The following ZNF346 variants were observed in gnomAD, a reference collection of about 807,000 sequenced individuals.
ZNF346 encodes zinc finger protein 346.
A neutral mutation model predicts 33.7 loss-of-function variants in ZNF346; 23 were observed. The observed-to-expected ratio is 0.68, with a 90% CI of 0.49 to 0.97. The LOEUF is 0.97. ZNF346 is among the 50% of genes least tolerant of loss of function. The pLI is 0.00. For synonymous variants in ZNF346, 134 were observed against 142.4 expected (o/e 0.94, Z 0.42); for missense variants, 340 against 371.1 (o/e 0.92, Z 0.69).
At chr5:177,080,160 T>A (rs548157610) in exon 9 of ZNF346, 10 of 152,316 alleles carry the variant, frequency 6.6e-5, no homozygotes, top group African/African-American at 2.4e-4. Flanking sequence ...AACCTGTAAC[T>A]CACAGCCCTG....
Position 177,057,184 on chromosome 5 carries a change from C to T in ZNF346, c.704-4874C>T, listed in dbSNP as rs113001279. On this transcript the variant is annotated intron_variant, in intron 5 of 6. Transcript: ENST00000358149. The stretch of plus-strand genomic sequence containing the variant: ...AAAATTAGCCGGGTGTGGTGGTGGG[C>T]GCCTGTAATCCCAGCAGGAGAATCA... Among the ~76,000 whole-genome samples the T allele has an allele frequency of 4.2e-3, 634 of 151,880 alleles. 8 individuals are homozygous for T. The highest frequency in any genetic ancestry group is 0.014 in the African/African-American group (587 of 41,436).
intron 5 of ZNF346, among the ~76,000 whole-genome samples, chr5:177,055,049 T>G (rs1781484310): frequency 6.6e-6 from 1 of 151,526 alleles, no homozygotes; most frequent in Non-Finnish European, 1.5e-5. Flanking sequence ...TTTTTTTTTT[T>G]TTGAGACAGA....
intron 1 of ZNF346, among the ~76,000 whole-genome samples, chr5:177,026,625 G>A (rs1776823376): frequency 1.3e-5 from 2 of 152,080 alleles, no homozygotes; most frequent in South Asian, 4.1e-4. Flanking sequence ...GCCTCCCGAA[G>A]TGTTGGGATT....
At chr5:177,057,721 G>A (rs1467327079) in intron 5 of ZNF346, among the ~76,000 whole-genome samples, 1 of 149,720 alleles carries the variant, frequency 6.7e-6, no homozygotes, top group Non-Finnish European at 1.5e-5. Context: ...CTGGGCGACG[G>A]GGTGAGACCC....
intron 8 of ZNF346, among the ~76,000 whole-genome samples, chr5:177,076,755 G>T (rs929568005): frequency 6.6e-6 from 1 of 152,076 alleles, no homozygotes; most frequent in East Asian, 1.9e-4. Context: ...AATAAGTATC[G>T]TTGAGCCGGG....
intron 3 of ZNF346, among the ~76,000 whole-genome samples, chr5:177,043,529 G>A (rs560405604): frequency 1.3e-5 from 2 of 152,230 alleles, no homozygotes; most frequent in South Asian, 4.1e-4. Context: ...AATTTAGGTG[G>A]CTGAGGCAGG....
intron 3 of ZNF346, 186 bp downstream of exon 3, chr5:177,042,056 C>T: frequency 4.1e-6 from 2 of 491,180 alleles, no homozygotes; most frequent in Non-Finnish European, 7.4e-6. Context: ...TATCAACTAC[C>T]TTTCAGGATT....
Position 177,066,679 on chromosome 5 carries a change from G to A in ZNF346, c.*2080G>A, listed in dbSNP as rs148987780. 4.5e-4 allele frequency among the ~76,000 whole-genome samples: 68 copies of A among 151,956 alleles called. No homozygotes were observed. Among genetic ancestry groups the A allele is most frequent in the African/African-American group, 1.6e-3 (66 of 41,432 alleles). On this transcript the variant is annotated 3_prime_UTR_variant, in exon 7 of 7. Coordinates refer to ENST00000358149, the MANE Select transcript of ZNF346 (RefSeq NM_012279.4). ...GCCCAGGAGTTCCAGCCTGAAGTATGCTGTGATCATGCCTGTGAATAACCA... is the reference window on the plus strand; with the variant it reads ...GCCCAGGAGTTCCAGCCTGAAGTATACTGTGATCATGCCTGTGAATAACCA...
chr5:177,038,895 TG>T (rs1778963920), intron 1 of ZNF346, among the ~76,000 whole-genome samples: 2 of 151,290 alleles, frequency 1.3e-5, no homozygotes, highest in African/African-American at 2.4e-5. Flanking sequence ...TGTGTGTGTG[TG>T]TGTGTGTGTG....
At chr5:177,049,319 G>A (rs537042503) in intron 4 of ZNF346, among the ~76,000 whole-genome samples, 2 of 152,328 alleles carry the variant, frequency 1.3e-5, no homozygotes, top group African/African-American at 4.8e-5. Flanking sequence ...GTATGGAAGA[G>A]CATCTGAGAC....
intron 1 of ZNF346, 67 bp downstream of exon 1, chr5:177,022,980 G>A: frequency 2.1e-6 from 3 of 1,439,752 alleles, no homozygotes; most frequent in Non-Finnish European, 1.8e-6. Flanking sequence ...AACTGCGGAA[G>A]CGCCGACGGT....
At chr5:177,035,622 C>T (rs552379616) in intron 1 of ZNF346, among the ~76,000 whole-genome samples, 34 of 148,734 alleles carry the variant, frequency 2.3e-4, no homozygotes, top group South Asian at 1.5e-3. Flanking sequence ...CCATCACACC[C>T]GGCTAATTGA....
intron 1 of ZNF346, among the ~76,000 whole-genome samples, chr5:177,040,779 T>TC (rs1173018231): frequency 2.0e-5 from 3 of 152,242 alleles, no homozygotes; most frequent in Non-Finnish European, 2.9e-5. Flanking sequence ...TTAAAACCTC[T>TC]CAGCACAGTT....
At chr5:177,060,715 G>A (rs1782395745) in intron 5 of ZNF346, among the ~76,000 whole-genome samples, 1 of 152,154 alleles carries the variant, frequency 6.6e-6, no homozygotes, top group African/African-American at 2.4e-5. Flanking sequence ...GGCTGAGGCA[G>A]GAGAATCGCT....
downstream of ZNF346, among the ~76,000 whole-genome samples, chr5:177,071,602 A>G (rs951695017): frequency 6.7e-6 from 1 of 150,052 alleles, no homozygotes; most frequent in African/African-American, 2.4e-5. Context: ...GGAGAATGGC[A>G]TGAACCCGGG....
Position 177,062,119 on chromosome 5 carries a change from A to G in ZNF346, c.765A>G (p.Gln255=), listed in dbSNP as rs1256205517. 2 of 1,614,162 alleles carry G rather than the reference A, an allele frequency of 1.2e-6. No individual in the cohort carries two copies. Residue 255 remains glutamine, a synonymous_variant, in exon 6 of 7, where the codon CAA becomes CAG. Coordinates refer to ENST00000358149, the MANE Select transcript of ZNF346 (RefSeq NM_012279.4). ...TGCTGAACTCCATAGAACAGTACCA[A>G]GCTCATGTCAGCGGCTTCAAACACA... The part of the protein sequence containing the change: ...KIVLNSIEQY[Q]AHVSGFKHKN...
chr5:177,038,875 CTTGT>C (rs1260811246), intron 1 of ZNF346, among the ~76,000 whole-genome samples: 11 of 89,166 alleles, frequency 1.2e-4, no homozygotes, highest in South Asian at 4.3e-4. Flanking sequence ...TCTTCTTCTT[CTTGT>C]GTGTGTGTGT....
chr5:177,079,717 C>T (rs1783906065), exon 9 of ZNF346: 1 of 152,248 alleles, frequency 6.6e-6, no homozygotes, highest in East Asian at 1.9e-4. Flanking sequence ...CAGAAGGGCA[C>T]GAGTTTACTT....
chr5:177,069,820 C>T (rs1344073084), downstream of ZNF346, among the ~76,000 whole-genome samples: 1 of 152,140 alleles, frequency 6.6e-6, no homozygotes, highest in Non-Finnish European at 1.5e-5. Context: ...TGCCACCATG[C>T]CAGCTAGTTT....
Sources: gnomAD v4.1 joint callset for allele counts (sites outside exome capture counted in the v4.1 genomes callset) on GRCh38, gnomAD v4.1.1 for gene constraint, MANE v1.5 for transcripts, NCBI Gene and HGNC (gene_info 2026-07-23, HGNC 2026-07-21) for gene names.